The following PWWP3A variants were observed in gnomAD, a reference collection of about 807,000 sequenced individuals.
PWWP3A encodes the protein PWWP domain containing 3A, DNA repair factor.
In PWWP3A, 53 loss-of-function variants were observed where a neutral mutation model predicts 79.0. The ratio of observed to expected loss-of-function variants is 0.67; its 90% confidence interval spans 0.54 to 0.84. The LOEUF is 0.84. Among genes scored for constraint, PWWP3A ranks in the 40% least tolerant of loss-of-function variants. PWWP3A has a pLI of 0.00. For missense variants in PWWP3A, 973 were observed against 948.0 expected (o/e 1.03, Z -0.35); for synonymous variants, 443 against 394.4 (o/e 1.12, Z -1.46).
Position 1,364,584 on chromosome 19 carries a change from G to GA in PWWP3A, c.1284+7dup, listed in dbSNP as rs759217318. ...TACCCCTTCTGGCCAGCAGTGGTAA[G>GA]AACAGCTTCCTCCGTCTTCTCAGAT... On this transcript the variant is annotated splice_donor_region_variant and intron_variant, in intron 7 of 13. Coordinates refer to ENST00000591337, the MANE Select transcript of PWWP3A (RefSeq NM_001369789.1). The GA allele has an allele frequency of 2.3e-5, 36 of 1,592,842 alleles. No individual in the cohort carries two copies. Among genetic ancestry groups the GA allele is most frequent in the Non-Finnish European group, 3.0e-5 (35 of 1,171,686 alleles).
chr19:1,371,801 C>CAA, intron 12 of PWWP3A, among the ~76,000 whole-genome samples: 1 of 149,076 alleles, frequency 6.7e-6, no homozygotes, highest in East Asian at 2.0e-4. Flanking sequence ...TAAAAACCCT[C>CAA]AAGCTTTTTT....
intron 8 of PWWP3A, 79 bp downstream of exon 8, chr19:1,366,460 G>T: frequency 1.5e-6 from 2 of 1,356,264 alleles, no homozygotes; most frequent in South Asian, 2.3e-5. Context: ...CGGGCGTGGG[G>T]ATGGAGGGAC....
chr19:1,371,745 G>A (rs998559975), intron 12 of PWWP3A, among the ~76,000 whole-genome samples: 2 of 149,954 alleles, frequency 1.3e-5, no homozygotes, highest in Non-Finnish European at 3.0e-5. Flanking sequence ...ATAGCATAAT[G>A]AACTCTAATG....
chr19:1,371,705 T>C (rs1015563527), intron 12 of PWWP3A, among the ~76,000 whole-genome samples: 5 of 151,814 alleles, frequency 3.3e-5, no homozygotes, highest in African/African-American at 1.2e-4. Context: ...TTTATAACTA[T>C]GGGAATTTTC....
chr19:1,360,125 G>C lies in PWWP3A; in HGVS notation c.215-11G>C, dbSNP rs368100557. ...AACGTAACCGGCATTGTGTATGTTC[G>C]GTCCTTGCAGCCTCACAGAATGAGG... On this transcript the variant is annotated splice_polypyrimidine_tract_variant and intron_variant, in intron 4 of 13. Coordinates refer to ENST00000591337, the MANE Select transcript of PWWP3A (RefSeq NM_001369789.1). The surrounding 1 kb of genome is among the most constrained non-coding windows in gnomAD (Gnocchi z 4.4). The C allele has an allele frequency of 4.5e-6, 7 of 1,539,060 alleles. 1 individual carries two copies. The Admixed American group carries it at 1.0e-4, about 23-fold the overall frequency.
At chr19:1,371,549 G>A (rs2082260880) in intron 12 of PWWP3A, 3 of 611,364 alleles carry the variant, frequency 4.9e-6, no homozygotes, top group African/African-American at 3.7e-5. Flanking sequence ...TAGACTGTCT[G>A]TGATTTCGAA....
At chr19:1,364,383 G>A (rs1323152198) in intron 6 of PWWP3A, 126 bp from the exon 7 acceptor site, 4 of 713,998 alleles carry the variant, frequency 5.6e-6, no homozygotes, top group Non-Finnish European at 9.7e-6. Context: ...TTAAGCGAAT[G>A]ACACAAAGTC....
chr19:1,361,060 C>T (rs1270018971), intron 5 of PWWP3A, 28 bp downstream of exon 5: 10 of 1,418,462 alleles, frequency 7.0e-6, no homozygotes, highest in African/African-American at 3.0e-5. Context: ...AGGAGGAGAG[C>T]GCAGAGGGTG....
intron 13 of PWWP3A, among the ~76,000 whole-genome samples, 194 bp from the exon 14 acceptor site, chr19:1,376,325 T>TGTTTTTTTTTTTTG (rs2082399999): frequency 7.2e-6 from 1 of 139,786 alleles, no homozygotes; most frequent in Non-Finnish European, 1.5e-5. Flanking sequence ...TTTTTTTTTT[T>TGTTTTTTTTTTTTG]TGGTATTTTT....
chr19:1,357,216 G>A (rs577804953), intron 3 of PWWP3A, 122 bp downstream of exon 3: 2 of 678,442 alleles, frequency 2.9e-6, no homozygotes, highest in Non-Finnish European at 5.0e-6. Context: ...CACCATTTGT[G>A]TAATTCATTA....
chr19:1,373,271 G>C (rs2082300669), intron 13 of PWWP3A, 111 bp downstream of exon 13: 2 of 927,514 alleles, frequency 2.2e-6, no homozygotes, highest in Non-Finnish European at 3.4e-6. Flanking sequence ...TCTCCCTCAT[G>C]AGGTGGCCCA....
rs1304044723 is a variant in PWWP3A, at chr19:1,368,781, A to G, written c.1423-484A>G. Among the ~76,000 whole-genome samples, 2 of 152,230 alleles carry G rather than the reference A, an allele frequency of 1.3e-5. No homozygotes were observed. Among genetic ancestry groups the G allele is most frequent in the South Asian group, 2.1e-4 (1 of 4,834 alleles). ...TATTTCCAGGACTTGATGTCCTGTC[A>G]TGTGGCACAGTGGCCACAGGGGAGG... On this transcript the variant is annotated intron_variant, in intron 9 of 13. Coordinates refer to ENST00000591337, the MANE Select transcript of PWWP3A (RefSeq NM_001369789.1). This position sits in a 1 kb window ranked among gnomAD's most constrained non-coding sequence, Gnocchi z 4.7.
At chr19:1,362,210 A>G (rs1247555243) in intron 5 of PWWP3A, 40 bp from the exon 6 acceptor site, 2 of 1,550,048 alleles carry the variant, frequency 1.3e-6, no homozygotes, top group South Asian at 1.1e-5. Context: ...CATCAAGACA[A>G]TGCAATGACC....
rs1817749917 is a variant in PWWP3A, at chr19:1,360,920, C to T, written c.999C>T (p.Pro333=). 1.3e-6 allele frequency: 2 copies of T among 1,538,770 alleles called. No individual in the cohort carries two copies. The highest frequency in any genetic ancestry group is 1.2e-5 in the South Asian group (1 of 82,738). ...AAPSPGPGPG[P]RESVTPRSTA... Reference sequence around the variant, plus strand: ...CATCCCCCGGGCCGGGGCCAGGGCCCAGAGAGTCTGTGACCCCGCGCAGCA... The same window carrying T: ...CATCCCCCGGGCCGGGGCCAGGGCCTAGAGAGTCTGTGACCCCGCGCAGCA... Residue 333 remains proline (P), a synonymous_variant, in exon 5 of 14, where the codon CCC becomes CCT. Transcript: ENST00000591337. This position sits in a 1 kb window ranked among gnomAD's most constrained non-coding sequence, Gnocchi z 4.4.
chr19:1,374,556 T>G (rs150318371), intron 13 of PWWP3A, among the ~76,000 whole-genome samples: 1 of 152,182 alleles, frequency 6.6e-6, no homozygotes, highest in Non-Finnish European at 1.5e-5. Flanking sequence ...TCTCTGGTGC[T>G]GCGGCCGGTG....
chr19:1,366,451 G>T, intron 8 of PWWP3A, 70 bp downstream of exon 8: 2 of 1,438,434 alleles, frequency 1.4e-6, no homozygotes, highest in African/African-American at 1.4e-5. Flanking sequence ...GAGTCAGAGC[G>T]GGCGTGGGGA....
intron 3 of PWWP3A, chr19:1,357,614 G>GT (rs1276677071): frequency 2.0e-5 from 3 of 152,984 alleles, no homozygotes; most frequent in Non-Finnish European, 4.4e-5. Context: ...GTTCTGCTCC[G>GT]TGAGTGTCTG....
chr19:1,371,531 A>G (rs2144756944), intron 12 of PWWP3A: 2 of 630,362 alleles, frequency 3.2e-6, no homozygotes, highest in African/African-American at 1.8e-5. Flanking sequence ...TAAGTTAAAC[A>G]CACAAATTAG....
In PWWP3A at chr19:1,361,052, G is replaced by A. The variant is rs2082004237; in HGVS notation, c.1111+20G>A. ...AGAAAGGTAAAAGTTTCTCGTGGAG[G>A]AGGAGAGCGCAGAGGGTGGAGTCCT... is the stretch of plus-strand genomic sequence containing the variant. On this transcript the variant is annotated intron_variant, in intron 5 of 13. Transcript: ENST00000591337. 4.2e-6 allele frequency: 6 copies of A among 1,424,008 alleles called. No homozygotes were observed. The South Asian group carries it at 7.8e-5, about 18-fold the overall frequency. 88.2% of individuals were successfully genotyped at this position (1,424,008 alleles called of 1,614,324 possible).
Sources: gnomAD v4.1 joint callset for allele counts (sites outside exome capture counted in the v4.1 genomes callset) on GRCh38, gnomAD v4.1.1 for gene constraint, Gnocchi (gnomAD v3.1) non-coding constraint, MANE v1.5 for transcripts, NCBI Gene and HGNC (gene_info 2026-07-23, HGNC 2026-07-21) for gene names.